Variants in EPM2A observed in about 807,000 individuals in gnomAD.
The protein encoded by EPM2A is EPM2A glucan phosphatase, laforin.
In EPM2A, 21 loss-of-function variants were observed where a neutral mutation model predicts 26.5. That is an observed-to-expected ratio of 0.79 (90% CI 0.56 to 1.14). The LOEUF (loss-of-function observed/expected upper bound fraction) is 1.14, where lower values mean the gene tolerates loss of function less well. Ranked by LOEUF, EPM2A falls within the 50% of genes most tolerant of loss-of-function variation. The pLI is 0.00. For missense variants in EPM2A, 458 were observed against 440.8 expected, an observed-to-expected ratio of 1.04 and a Z score of -0.35; for synonymous variants, 217 against 177.6, an observed-to-expected ratio of 1.22 and a Z score of -1.76.
At chr6:145,529,792 T>G (rs924869539) in intron 2 of EPM2A, among the ~76,000 whole-genome samples, 4 of 152,172 alleles carry the variant, frequency 2.6e-5, no homozygotes, top group African/African-American at 9.7e-5. Context: ...AAGCTTAGGC[T>G]CCAGGCTCAG....
intron 2 of EPM2A, among the ~76,000 whole-genome samples, chr6:145,670,597 T>C (rs1779571126): frequency 6.6e-6 from 1 of 152,162 alleles, no homozygotes; most frequent in Non-Finnish European, 1.5e-5. Flanking sequence ...TAAATGACTC[T>C]TAAGAAACAA....
chr6:145,576,704 T>C (rs1781036518), intron 2 of EPM2A, among the ~76,000 whole-genome samples: 1 of 152,152 alleles, frequency 6.6e-6, no homozygotes, highest in Non-Finnish European at 1.5e-5. Flanking sequence ...TCTGAAAGTA[T>C]AAAACTCACT....
At chr6:145,618,073 T>G (rs1398507924) in intron 2 of EPM2A, among the ~76,000 whole-genome samples, 1 of 152,230 alleles carries the variant, frequency 6.6e-6, no homozygotes, top group East Asian at 1.9e-4. Context: ...TTACAGTTTC[T>G]ACCTAATGAT....
At chr6:145,654,337 A>T (rs1778106334) in intron 2 of EPM2A, among the ~76,000 whole-genome samples, 1 of 152,044 alleles carries the variant, frequency 6.6e-6, no homozygotes, top group African/African-American at 2.4e-5. Flanking sequence ...ATGTGCCACC[A>T]TGCCTGGCTA....
upstream of EPM2A, chr6:145,735,969 G>C (rs1278670108): frequency 5.9e-5 from 9 of 151,924 alleles, no homozygotes; most frequent in South Asian, 1.9e-3. Flanking sequence ...TCTCTGGAGC[G>C]CTCCCTATCT....
rs1028928367 is a variant in EPM2A at position 145,488,764 on chromosome 6, C to T, written c.555+13758G>A. Reference sequence around the variant, plus strand: ...TAAATACATTAATTTTTAAATGATGCTCATCTTTTTTTCATCTGGTAGTAA... The same window carrying T: ...TAAATACATTAATTTTTAAATGATGTTCATCTTTTTTTCATCTGGTAGTAA... On this transcript the variant is annotated intron_variant, in intron 4 of 4. Transcript: ENST00000638717. Among the ~76,000 whole-genome samples, 8 of 151,640 alleles carry T rather than the reference C, an allele frequency of 5.3e-5. No homozygotes were observed. In the South Asian group the frequency reaches 8.4e-4, roughly 16 times the overall value.
intron 4 of EPM2A, among the ~76,000 whole-genome samples, chr6:145,398,486 G>T (rs972977529): frequency 6.6e-6 from 1 of 151,572 alleles, no homozygotes; most frequent in African/African-American, 2.4e-5. Flanking sequence ...TAGTTAAATT[G>T]TCTCAAAGTG....
intron 4 of EPM2A, among the ~76,000 whole-genome samples, chr6:145,465,452 A>G (rs1169368755): frequency 1.3e-5 from 2 of 151,942 alleles, no homozygotes; most frequent in Non-Finnish European, 2.9e-5. Context: ...GATTGTCTGA[A>G]GCCTTCTTCT....
chr6:145,694,119 C>T (rs1474789211), intron 1 of EPM2A, among the ~76,000 whole-genome samples: 1 of 151,676 alleles, frequency 6.6e-6, no homozygotes, highest in Non-Finnish European at 1.5e-5. Context: ...ATAAATTTTA[C>T]AATTATTATT....
intron 2 of EPM2A, among the ~76,000 whole-genome samples, chr6:145,681,013 G>C (rs1198809902): frequency 6.6e-6 from 1 of 151,664 alleles, no homozygotes; most frequent in Non-Finnish European, 1.5e-5. Flanking sequence ...CACCAACAGT[G>C]TAAAAGTGTT....
rs147648559 is a variant in EPM2A, at chr6:145,514,533, T to C, written c.341-11958A>G. On this transcript the variant is annotated intron_variant, in intron 2 of 3. Transcript: ENST00000450221. ...GATTCAGTGTGTTAGCTGAAGCAGA[T>C]AGATGTGTTTTTAGATAGATAAATA... 5.8e-4 allele frequency among the ~76,000 whole-genome samples: 88 copies of C among 152,294 alleles called. No individual in the cohort carries two copies. The East Asian group carries it at 0.014, about 25-fold the overall frequency.
At chr6:145,490,530 A>G (rs1416701082) in intron 4 of EPM2A, 1 of 717,194 alleles carries the variant, frequency 1.4e-6, no homozygotes, top group African/African-American at 1.7e-5. Context: ...ACTGACATAC[A>G]TAAACTTTCT....
intron 4 of EPM2A, among the ~76,000 whole-genome samples, chr6:145,492,664 T>C (rs138144078): frequency 0.017 from 2,517 of 152,288 alleles, 31 homozygotes; most frequent in Admixed American, 0.04. Context: ...GAAAAGGGAA[T>C]GGAGTGAGAA....
intron 4 of EPM2A, among the ~76,000 whole-genome samples, chr6:145,467,971 G>A (rs546068915): frequency 6.6e-6 from 1 of 151,620 alleles, no homozygotes; most frequent in Admixed American, 6.6e-5. Flanking sequence ...TTATTTTCTT[G>A]GGTTTTCTAA....
At chr6:145,418,649 T>G (rs1258474097) in intron 4 of EPM2A, among the ~76,000 whole-genome samples, 1 of 152,176 alleles carries the variant, frequency 6.6e-6, no homozygotes, top group Non-Finnish European at 1.5e-5. Flanking sequence ...AACTAATTCT[T>G]CCTCAGTCTT....
At chr6:145,518,592 CACCAAAAA>C (rs1780160783) in intron 2 of EPM2A, among the ~76,000 whole-genome samples, 1 of 68,584 alleles carries the variant, frequency 1.5e-5, no homozygotes, top group South Asian at 5.7e-4. Context: ...GTGTGAAATG[CACCAAAAA>C]AAAAAAAAAA....
chr6:145,525,609 C>T (rs763719378), intron 2 of EPM2A, among the ~76,000 whole-genome samples: 31 of 151,996 alleles, frequency 2.0e-4, no homozygotes, highest in Non-Finnish European at 1.8e-4. Flanking sequence ...ACACTATTGG[C>T]GTATAGAAAT....
At chr6:145,624,642 C>T (rs9399559), downstream of EPM2A, among the ~76,000 whole-genome samples, 70,992 of 152,088 alleles carry the variant, frequency 0.47, 17,219 homozygotes, top group African/African-American at 0.58. Flanking sequence ...TTTCTAAAGA[C>T]ACTTTCAGCT....
chr6:145,677,387 C>T lies in EPM2A; in HGVS notation c.476+8735G>A, dbSNP rs540681211. ...AAAACCGGCACAAGACAAGGATGCC[C>T]TCTCTCACCACTCCTATTCAACATA... is the stretch of plus-strand genomic sequence containing the variant. On this transcript the variant is annotated intron_variant, in intron 2 of 3. Coordinates refer to ENST00000367519, the MANE Select transcript of EPM2A (RefSeq NM_005670.4). Among the ~76,000 whole-genome samples, 56 of 152,304 alleles carry T rather than the reference C, an allele frequency of 3.7e-4. 2 individuals are homozygous for T. Among genetic ancestry groups the T allele is most frequent in the Admixed American group, 3.1e-3 (47 of 15,300 alleles).
Sources: gnomAD v4.1 joint callset for allele counts (sites outside exome capture counted in the v4.1 genomes callset) on GRCh38, gnomAD v4.1.1 for gene constraint, MANE v1.5 for transcripts, NCBI Gene and HGNC (gene_info 2026-07-23, HGNC 2026-07-21) for gene names.